DPP10: variants seen among roughly 807,000 people sequenced by gnomAD.
The protein encoded by DPP10 is dipeptidyl peptidase like 10.
A neutral mutation model predicts 120.9 loss-of-function variants in DPP10; 33 were observed. That is an observed-to-expected ratio of 0.27 (90% CI 0.21 to 0.37). DPP10 has a LOEUF of 0.37. DPP10 is among the 10% of genes least tolerant of loss of function. The pLI is 1.00. For synonymous variants in DPP10, 337 were observed against 326.1 expected (o/e 1.03, Z -0.36); for missense variants, 816 against 942.8 (o/e 0.87, Z 1.76).
At chr2:114,755,494 C>T (rs1679642472) in intron 1 of DPP10, among the ~76,000 whole-genome samples, 1 of 152,142 alleles carries the variant, frequency 6.6e-6, no homozygotes, top group Admixed American at 6.5e-5. Context: ...GGTTTGGTTT[C>T]TGAACTTCTG....
At chr2:114,939,032 C>A (rs2104551798) in intron 1 of DPP10, among the ~76,000 whole-genome samples, 1 of 151,932 alleles carries the variant, frequency 6.6e-6, no homozygotes, top group South Asian at 2.1e-4. Flanking sequence ...AGTGTGTATA[C>A]AGAAATACAT....
intron 1 of DPP10, among the ~76,000 whole-genome samples, chr2:114,920,211 G>A (rs2035121313): frequency 6.6e-6 from 1 of 152,218 alleles, no homozygotes; most frequent in Non-Finnish European, 1.5e-5. Context: ...CATCTGGTTT[G>A]AATGAAAAAC....
intron 3 of DPP10, among the ~76,000 whole-genome samples, chr2:115,480,071 A>G (rs541329651): frequency 2.0e-5 from 3 of 152,190 alleles, no homozygotes; most frequent in Admixed American, 1.3e-4. Context: ...GGTGTGTGCT[A>G]TAAGGGGGTG....
At chr2:114,505,182 AC>A (rs1683540617) in intron 1 of DPP10, among the ~76,000 whole-genome samples, 2 of 151,394 alleles carry the variant, frequency 1.3e-5, no homozygotes, top group African/African-American at 4.9e-5. Flanking sequence ...AAAAATATAG[AC>A]CCAAAGAAGT....
In DPP10 at chr2:114,697,772, T is replaced by C. The variant is rs183036273; in HGVS notation, c.60+254934T>C. 1.2e-3 allele frequency among the ~76,000 whole-genome samples: 170 copies of C among 142,830 alleles called. 1 individual carries two copies. Among genetic ancestry groups the C allele is most frequent in the African/African-American group, 4.2e-3 (165 of 39,082 alleles). 93.7% of individuals were successfully genotyped at this position (142,830 alleles called of 152,430 possible). A position where few individuals can be genotyped will look rare whatever the true frequency, so the allele number is the denominator to read the frequency against. Reference sequence around the variant, plus strand: ...CTCAAAAAAAAAAAAAAAAAAAGACTAGCAGAAGCACATCAGTTATTATTA... The same window carrying C: ...CTCAAAAAAAAAAAAAAAAAAAGACCAGCAGAAGCACATCAGTTATTATTA... On this transcript the variant is annotated intron_variant, in intron 1 of 25. Coordinates refer to ENST00000410059, the MANE Select transcript of DPP10 (RefSeq NM_020868.6).
Position 115,104,930 on chromosome 2 carries a change from C to G in DPP10, c.61-204309C>G, listed in dbSNP as rs575231431. ...CTGAGGCAGGAGAATTGCTTGAACC[C>G]AGGAGCCAGAGGTTGCAGTGAGCCA... On this transcript the variant is annotated intron_variant, in intron 1 of 25. Coordinates refer to ENST00000410059, the MANE Select transcript of DPP10 (RefSeq NM_020868.6). Among the ~76,000 whole-genome samples the G allele has an allele frequency of 2.6e-4, 40 of 151,978 alleles. 3 individuals are homozygous for G. The highest frequency in any genetic ancestry group is 9.2e-4 in the African/African-American group (38 of 41,438).
chr2:114,784,530 A>T (rs890186740), intron 1 of DPP10, among the ~76,000 whole-genome samples: 6 of 152,096 alleles, frequency 3.9e-5, no homozygotes, highest in Admixed American at 2.6e-4. Context: ...TCCTATAAAA[A>T]ATATTATTCC....
rs75159035 is a variant in DPP10, at chr2:114,636,057, C to T, written c.60+193219C>T. 4.3e-4 allele frequency among the ~76,000 whole-genome samples: 66 copies of T among 152,034 alleles called. No individual in the cohort carries two copies. The East Asian group carries it at 0.011, about 24-fold the overall frequency. On this transcript the variant is annotated intron_variant, in intron 1 of 25. Transcript: ENST00000410059. ...TTTTCTTCAAAGTGACAGATTCACT[C>T]ATTCATTTTTTTAAGAAAGTGTCTG...
intron 1 of DPP10, among the ~76,000 whole-genome samples, chr2:114,903,424 G>A (rs1462349144): frequency 6.6e-6 from 1 of 152,144 alleles, no homozygotes; most frequent in African/African-American, 2.4e-5. Flanking sequence ...AGCTCGTGTT[G>A]CTCTAAATCC....
At position 114,652,833 on chromosome 2, in the gene DPP10, T is replaced by C. The variant is rs189465646; in HGVS notation, c.60+209995T>C. Among the ~76,000 whole-genome samples, 764 of 152,226 alleles carry C rather than the reference T, an allele frequency of 5.0e-3. 10 individuals carry two copies. Among genetic ancestry groups the C allele is most frequent in the African/African-American group, 0.018 (737 of 41,520 alleles). On this transcript the variant is annotated intron_variant, in intron 1 of 25. Coordinates refer to ENST00000410059, the MANE Select transcript of DPP10 (RefSeq NM_020868.6). The stretch of plus-strand genomic sequence containing the variant: ...TGTTCAGGTTGGGGAGAGAGCATTA[T>C]AGTTTCCAGACTCAGCTCAGTGTAA...
chr2:115,605,250 CAT>C (rs1483097426), intron 5 of DPP10, among the ~76,000 whole-genome samples: 1 of 151,996 alleles, frequency 6.6e-6, no homozygotes, highest in Non-Finnish European at 1.5e-5. Flanking sequence ...TGATAAGAAA[CAT>C]AATAGTATCA....
At chr2:114,898,445 A>G (rs1268934245) in intron 1 of DPP10, among the ~76,000 whole-genome samples, 3 of 152,036 alleles carry the variant, frequency 2.0e-5, no homozygotes, top group South Asian at 2.1e-4. Context: ...ACATGTATAC[A>G]TATGTAACTA....
At chr2:115,471,155 A>AT (rs1400424322) in intron 3 of DPP10, among the ~76,000 whole-genome samples, 2 of 152,212 alleles carry the variant, frequency 1.3e-5, no homozygotes, top group South Asian at 2.1e-4. Flanking sequence ...CAGTAAATTC[A>AT]TTAAGCATAT....
chr2:115,100,445 C>T lies in DPP10; in HGVS notation c.61-208794C>T, dbSNP rs568907127. Among the ~76,000 whole-genome samples, 9 of 147,816 alleles carry T rather than the reference C, an allele frequency of 6.1e-5. No individual in the cohort carries two copies. The East Asian group carries it at 1.4e-3, about 23-fold the overall frequency. ...GCCGCTGAGTGACAGAATGTGACCA[C>T]GTCTAAATTAAAAAACACACACACA... On this transcript the variant is annotated intron_variant, in intron 1 of 25. Transcript: ENST00000410059.
intron 2 of DPP10, among the ~76,000 whole-genome samples, chr2:115,311,151 C>T (rs1464978682): frequency 6.6e-6 from 1 of 152,120 alleles, no homozygotes; most frequent in African/African-American, 2.4e-5. Flanking sequence ...CGTGACATAC[C>T]TGAGTTTGAG....
chr2:115,020,614 A>G (rs1230477441), intron 1 of DPP10, among the ~76,000 whole-genome samples: 2 of 152,096 alleles, frequency 1.3e-5, no homozygotes, highest in South Asian at 4.1e-4. Context: ...CAAGACAGAA[A>G]CTCAACAAAT....
In DPP10 at chr2:114,588,876, GGCACTCA is replaced by G. The variant is rs1178411776; in HGVS notation, c.60+146042_60+146048del. Reference sequence around the variant, plus strand: ...GGATTTTTGTTGTATGTTACTGATTGGCACTCAGCATCCAACCCCATCTCTTTCAGTT... The same window carrying G: ...GGATTTTTGTTGTATGTTACTGATTGGCATCCAACCCCATCTCTTTCAGTT... On this transcript the variant is annotated intron_variant, in intron 1 of 25. Coordinates refer to ENST00000410059, the MANE Select transcript of DPP10 (RefSeq NM_020868.6). Among the ~76,000 whole-genome samples, 3 of 151,960 alleles carry G rather than the reference GGCACTCA, an allele frequency of 2.0e-5. No homozygotes were observed. The East Asian group carries it at 5.8e-4, about 29-fold the overall frequency.
chr2:114,466,212 A>G (rs568468126), intron 1 of DPP10, among the ~76,000 whole-genome samples: 1 of 152,356 alleles, frequency 6.6e-6, no homozygotes, highest in South Asian at 2.1e-4. Context: ...ATGTATCAGA[A>G]CATTCTATAA....
At chr2:115,493,553 T>C (rs1372991240) in intron 3 of DPP10, among the ~76,000 whole-genome samples, 3 of 149,042 alleles carry the variant, frequency 2.0e-5, no homozygotes, top group African/African-American at 7.4e-5. Context: ...TTTGGAAGGA[T>C]GCCTTTGTTT....
Sources: gnomAD v4.1 joint callset for allele counts (sites outside exome capture counted in the v4.1 genomes callset) on GRCh38, gnomAD v4.1.1 for gene constraint, MANE v1.5 for transcripts, NCBI Gene and HGNC (gene_info 2026-07-23, HGNC 2026-07-21) for gene names.